The following GALNTL5 variants were observed in gnomAD, a reference collection of about 807,000 sequenced individuals.
GALNTL5 encodes the protein inactive polypeptide N-acetylgalactosaminyltransferase-like protein 5.
A neutral mutation model predicts 51.0 loss-of-function variants in GALNTL5; 44 were observed. The ratio of observed to expected loss-of-function variants is 0.86; its 90% CI spans 0.68 to 1.11. The LOEUF is 1.11. GALNTL5 is among the 50% of genes least tolerant of loss of function. GALNTL5 has a pLI of 0.00. For missense variants in GALNTL5, 528 were observed against 531.8 expected (o/e 0.99, Z 0.07); for synonymous variants, 192 against 182.8 (o/e 1.05, Z -0.41).
At chr7:151,994,484 C>T (rs2081469368) in intron 5 of GALNTL5, among the ~76,000 whole-genome samples, 1 of 151,986 alleles carries the variant, frequency 6.6e-6, no homozygotes, top group African/African-American at 2.4e-5. Context: ...GATGTGCTCC[C>T]TGCTTTCCCT....
intron 1 of GALNTL5, among the ~76,000 whole-genome samples, chr7:151,964,605 CTGT>C (rs2151937691): frequency 6.6e-6 from 1 of 152,324 alleles, no homozygotes; most frequent in African/African-American, 2.4e-5. Flanking sequence ...CCACGTGGAA[CTGT>C]AAGTCCATTA....
At chr7:151,977,938 C>T (rs769355204) in intron 3 of GALNTL5, among the ~76,000 whole-genome samples, 2 of 152,128 alleles carry the variant, frequency 1.3e-5, no homozygotes, top group African/African-American at 4.8e-5. Context: ...TTTTCCCACT[C>T]TCTTTTTAAG....
chr7:151,993,387 C>G (rs999216109), intron 5 of GALNTL5, among the ~76,000 whole-genome samples: 1 of 152,254 alleles, frequency 6.6e-6, no homozygotes, highest in African/African-American at 2.4e-5. Flanking sequence ...TGTGTGGGAA[C>G]TTGCAGAGAA....
chr7:151,993,952 T>A (rs2081459863), intron 5 of GALNTL5, among the ~76,000 whole-genome samples: 1 of 152,188 alleles, frequency 6.6e-6, no homozygotes, highest in East Asian at 1.9e-4. Context: ...GAATGTATAT[T>A]TTTTCTTTAT....
At chr7:151,982,788 T>C in intron 3 of GALNTL5, 198 bp from the exon 4 acceptor site, 1 of 1,163,358 alleles carries the variant, frequency 8.6e-7, no homozygotes. Context: ...GGGGAAATTA[T>C]TCAGAAAATA....
chr7:152,019,532 A>G, intron 8 of GALNTL5, 114 bp from the exon 9 acceptor site: 2 of 1,022,260 alleles, frequency 2.0e-6, no homozygotes, highest in East Asian at 2.5e-5. Flanking sequence ...TGGGATCTGG[A>G]GGGCTTTTTT....
At chr7:151,991,420 T>TA (rs199617353) in intron 5 of GALNTL5, among the ~76,000 whole-genome samples, 54 of 151,686 alleles carry the variant, frequency 3.6e-4, no homozygotes, top group Admixed American at 3.9e-4. Flanking sequence ...CTTCCTCATG[T>TA]AAAAAAAAAT....
chr7:151,963,281 T>C (rs1188807674), intron 1 of GALNTL5, among the ~76,000 whole-genome samples: 1 of 152,256 alleles, frequency 6.6e-6, no homozygotes. Flanking sequence ...ACTGGGTAGA[T>C]GTTCTTTCTG....
intron 6 of GALNTL5, among the ~76,000 whole-genome samples, chr7:152,006,300 G>A (rs188973705): frequency 6.8e-4 from 104 of 152,344 alleles, no homozygotes; most frequent in African/African-American, 2.4e-3. Context: ...ATGGAAGGGA[G>A]TTTAAGGGAA....
At chr7:151,959,742 T>A (rs2080969466) in intron 1 of GALNTL5, among the ~76,000 whole-genome samples, 1 of 152,134 alleles carries the variant, frequency 6.6e-6, no homozygotes, top group Non-Finnish European at 1.5e-5. Flanking sequence ...CAGGCTAAGT[T>A]GTAATGTGAC....
intron 3 of GALNTL5, among the ~76,000 whole-genome samples, chr7:151,972,160 T>A (rs1343085928): frequency 6.6e-6 from 1 of 152,156 alleles, no homozygotes; most frequent in Non-Finnish European, 1.5e-5. Flanking sequence ...CCTAGAGACT[T>A]GTTGAATGGC....
At chr7:151,968,456 C>T (rs1276762049) in intron 2 of GALNTL5, among the ~76,000 whole-genome samples, 1 of 152,238 alleles carries the variant, frequency 6.6e-6, no homozygotes, top group Non-Finnish European at 1.5e-5. Flanking sequence ...CACTAGATGA[C>T]TAGGTAGGTG....
chr7:151,999,274 A>G (rs1231620008), intron 5 of GALNTL5, among the ~76,000 whole-genome samples: 1 of 152,028 alleles, frequency 6.6e-6, no homozygotes, highest in African/African-American at 2.4e-5. Flanking sequence ...TCATCCATTG[A>G]TGGGCATTTG....
At chr7:151,968,524 G>A (rs991475296) in intron 2 of GALNTL5, among the ~76,000 whole-genome samples, 5 of 152,118 alleles carry the variant, frequency 3.3e-5, no homozygotes, top group Admixed American at 6.5e-5. Context: ...ACAGCCCCTT[G>A]GCAGGTCTCC....
At chr7:151,958,424 C>G (rs967420076) in intron 1 of GALNTL5, among the ~76,000 whole-genome samples, 2 of 152,234 alleles carry the variant, frequency 1.3e-5, no homozygotes, top group African/African-American at 2.4e-5. Flanking sequence ...AGGGGTGTTA[C>G]AGCTCTCACC....
intron 5 of GALNTL5, among the ~76,000 whole-genome samples, chr7:151,992,283 T>G (rs2151951700): frequency 6.6e-6 from 1 of 152,344 alleles, no homozygotes; most frequent in South Asian, 2.1e-4. Context: ...GACTTATCAT[T>G]TAGTTACTAT....
intron 7 of GALNTL5, among the ~76,000 whole-genome samples, chr7:152,014,287 T>A (rs1476489157): frequency 2.6e-5 from 4 of 152,264 alleles, no homozygotes; most frequent in Non-Finnish European, 4.4e-5. Flanking sequence ...TTTTTTGTTT[T>A]TGAGATGGAG....
Position 152,019,848 on chromosome 7 carries a change from G to A in GALNTL5, c.*47G>A. On this transcript the variant is annotated 3_prime_UTR_variant, in exon 9 of 9. Coordinates refer to ENST00000392800, the MANE Select transcript of GALNTL5 (RefSeq NM_145292.4). ...TTAATAAAGGGTTAAAAGTCTCCTA[G>A]TCATTCAACATAGTGTCACAAGAGT... The A allele has an allele frequency of 6.6e-7, 1 of 1,510,630 alleles. No individual in the cohort carries two copies. Among genetic ancestry groups the A allele is most frequent in the Non-Finnish European group, 9.1e-7 (1 of 1,101,520 alleles). 93.6% of individuals were successfully genotyped at this position (1,510,630 alleles called of 1,614,324 possible).
At chr7:152,004,298 G>A (rs2081616194) in intron 6 of GALNTL5, among the ~76,000 whole-genome samples, 1 of 150,406 alleles carries the variant, frequency 6.6e-6, no homozygotes, top group African/African-American at 2.4e-5. Flanking sequence ...ATACCTTTGT[G>A]TGATTAAATA....
Sources: allele counts gnomAD v4.1 joint callset (sites outside exome capture counted in the v4.1 genomes callset), GRCh38; gene constraint gnomAD v4.1.1; transcripts MANE v1.5; gene names NCBI Gene and HGNC (gene_info 2026-07-23, HGNC 2026-07-21).